The following NUP133 variants were observed in gnomAD, a reference collection of about 807,000 sequenced individuals.
NUP133 encodes nuclear pore complex protein Nup133.
Under a neutral mutation model 146.2 loss-of-function variants are expected in NUP133, and 66 were observed. The observed-to-expected ratio is 0.45, with a 90% CI of 0.37 to 0.55. NUP133 has a LOEUF of 0.55. NUP133 is among the 20% of genes least tolerant of loss of function. NUP133 has a pLI of 0.00. For synonymous variants in NUP133, 521 were observed against 498.8 expected (o/e 1.04, Z -0.59); for missense variants, 1,277 against 1,374.8 (o/e 0.93, Z 1.12).
At chr1:229,455,436 C>A (rs1434263837) in intron 21 of NUP133, among the ~76,000 whole-genome samples, 1 of 152,150 alleles carries the variant, frequency 6.6e-6, no homozygotes, top group African/African-American at 2.4e-5. Context: ...GAGCATGCAC[C>A]TGTAGTCCCA....
At chr1:229,454,709 G>A (rs1223582511) in intron 21 of NUP133, among the ~76,000 whole-genome samples, 1 of 152,208 alleles carries the variant, frequency 6.6e-6, no homozygotes, top group Admixed American at 6.5e-5. Flanking sequence ...AAAGCAGGGA[G>A]AAAGAAGAAA....
intron 21 of NUP133, among the ~76,000 whole-genome samples, chr1:229,453,034 T>C (rs1290525370): frequency 2.0e-5 from 3 of 152,140 alleles, no homozygotes; most frequent in East Asian, 3.9e-4. Context: ...ATTTATAGTA[T>C]ATAGTTGGCC....
chr1:229,463,594 C>A lies in NUP133; in HGVS notation c.2634G>T (p.Gln878His). ...GCTGGAGTCGGCTCTGGTTGTCAGT[C>A]TGCTCACACATTTGTACCAATATAT... ...DFDILVQMCE[Q>H]TDNQSRLQRY... Residue 878 changes from glutamine to histidine, a missense_variant, in exon 19 of 26, where the codon CAG (glutamine) becomes CAT (histidine). Transcript: ENST00000261396. 1 of 1,614,114 alleles carries A rather than the reference C, an allele frequency of 6.2e-7. No individual in the cohort carries two copies. The highest frequency in any genetic ancestry group is 1.1e-5 in the South Asian group (1 of 91,080).
chr1:229,456,541 A>G (rs1660561900), intron 21 of NUP133, among the ~76,000 whole-genome samples: 1 of 152,092 alleles, frequency 6.6e-6, no homozygotes, highest in African/African-American at 2.4e-5. Flanking sequence ...TTATTTTAGT[A>G]TCTCTACATT....
intron 19 of NUP133, 58 bp from the exon 20 acceptor site, chr1:229,460,827 T>A (rs1660676728): frequency 2.8e-6 from 4 of 1,447,192 alleles, no homozygotes; most frequent in Non-Finnish European, 3.8e-6. Flanking sequence ...ACATTTCTGA[T>A]AACAAAACAT....
At position 229,466,614 on chromosome 1, in the gene NUP133, C is replaced by G. The variant is rs371892618; in HGVS notation, c.2199+20G>C. 40 of 1,613,390 alleles carry G rather than the reference C, an allele frequency of 2.5e-5. No homozygotes were observed. The highest frequency in any genetic ancestry group is 1.9e-4 in the South Asian group (17 of 91,040). The stretch of plus-strand genomic sequence containing the variant: ...TGCCCTGGGCTTTGATTTGCTGAAG[C>G]CTTTACTATATTTTTGTACCTTGAG... On this transcript the variant is annotated intron_variant, in intron 16 of 25. Transcript: ENST00000261396.
chr1:229,454,381 G>A (rs1033324854), intron 21 of NUP133, among the ~76,000 whole-genome samples: 4 of 152,152 alleles, frequency 2.6e-5, no homozygotes, highest in African/African-American at 7.2e-5. Flanking sequence ...CATTCCCCGT[G>A]ATCCTGGTTT....
chr1:229,479,006 T>C (rs1661144309), intron 12 of NUP133, among the ~76,000 whole-genome samples: 2 of 152,206 alleles, frequency 1.3e-5, no homozygotes, highest in South Asian at 2.1e-4. Context: ...CTCTTATTCA[T>C]GGTTTCACTT....
At chr1:229,487,421 G>A in intron 10 of NUP133, 45 bp downstream of exon 10, 5 of 1,573,210 alleles carry the variant, frequency 3.2e-6, no homozygotes, top group Middle Eastern at 1.7e-4. Context: ...CACTCAGAAT[G>A]ACTAATGAGC....
chr1:229,487,244 C>CA (rs140142233), intron 10 of NUP133, among the ~76,000 whole-genome samples: 114 of 152,232 alleles, frequency 7.5e-4, no homozygotes, highest in African/African-American at 2.5e-3. Context: ...TCTCCTGGAA[C>CA]AAATGTTACT....
intron 24 of NUP133, among the ~76,000 whole-genome samples, chr1:229,447,610 G>A (rs1332694422): frequency 6.6e-6 from 1 of 151,868 alleles, no homozygotes; most frequent in African/African-American, 2.4e-5. Context: ...GAGGGAAGAG[G>A]GGCTGAAGGT....
chr1:229,444,825 T>G (rs1660266764), intron 25 of NUP133, 89 bp downstream of exon 25: 1 of 815,740 alleles, frequency 1.2e-6, no homozygotes, highest in Non-Finnish European at 2.0e-6. Flanking sequence ...CCAGCCTGAG[T>G]GACAGAGCAA....
At chr1:229,442,078 T>C in intron 25 of NUP133, 38 bp from the exon 26 acceptor site, 2 of 1,532,252 alleles carry the variant, frequency 1.3e-6, no homozygotes, top group Admixed American at 2.5e-5. Context: ...TTTCAATTAT[T>C]ATAAAATGCT....
chr1:229,483,725 T>G (rs1476760631), intron 12 of NUP133, among the ~76,000 whole-genome samples: 1 of 150,948 alleles, frequency 6.6e-6, no homozygotes, highest in Non-Finnish European at 1.5e-5. Flanking sequence ...AAAAAAACTT[T>G]GTAAGCAACT....
intron 22 of NUP133, 130 bp from the exon 23 acceptor site, chr1:229,450,735 GTTTTT>G: frequency 2.1e-6 from 1 of 478,452 alleles, no homozygotes; most frequent in South Asian, 3.1e-5. Context: ...TTGTTTGTTT[GTTTTT>G]TTTGAGACAA....
Position 229,499,745 on chromosome 1 carries a change from T to C in NUP133, c.587A>G (p.Tyr196Cys), listed in dbSNP as rs1052414386. The C allele has an allele frequency of 1.1e-5, 18 of 1,614,040 alleles. No homozygotes were observed. Among genetic ancestry groups the C allele is most frequent in the Non-Finnish European group, 1.4e-5 (17 of 1,179,994 alleles). ...TCCCGAATCTACAAAAGCCTCTGTG[T>C]AGGTATCTTCACCAGCAAGGCTTGG... is the stretch of plus-strand genomic sequence containing the variant. The part of the protein sequence containing the change: ...YWPSLAGEDT[Y>C]TEAFVDSGGD... The change falls in exon 5 of 26, where the codon TAC becomes TGC. Residue 196 changes from tyrosine to cysteine, a missense_variant. Tyr to Cys is a radical substitution (Grantham distance 194). This residue lies in a region of NUP133 where 319 missense variants were observed against 306.9 expected (regional missense o/e 1.04). Transcript: ENST00000261396.
At chr1:229,444,854 A>T in intron 25 of NUP133, 60 bp downstream of exon 25, 2 of 1,229,428 alleles carry the variant, frequency 1.6e-6, no homozygotes, top group Non-Finnish European at 2.4e-6. Flanking sequence ...CTCAAAAAAA[A>T]ACCCAAAAAA....
chr1:229,464,212 C>T (rs1660758988), intron 18 of NUP133, among the ~76,000 whole-genome samples: 1 of 152,116 alleles, frequency 6.6e-6, no homozygotes, highest in Non-Finnish European at 1.5e-5. Context: ...CTATTCTCTT[C>T]CTTCATGTAA....
At chr1:229,484,882 T>C (rs971501245) in intron 11 of NUP133, among the ~76,000 whole-genome samples, 1 of 150,872 alleles carries the variant, frequency 6.6e-6, no homozygotes, top group Non-Finnish European at 1.5e-5. Flanking sequence ...AAATACAAAA[T>C]GCAAGGTATT....
Sources: gnomAD v4.1 joint callset for allele counts (sites outside exome capture counted in the v4.1 genomes callset) on GRCh38, gnomAD v4.1.1 for gene constraint, gnomAD v4.1.1 regional missense constraint, MANE v1.5 for transcripts, NCBI Gene and HGNC (gene_info 2026-07-23, HGNC 2026-07-21) for gene names.